Variants in NEGR1 observed in about 807,000 individuals in gnomAD.
NEGR1 encodes the protein neuronal growth regulator 1.
In NEGR1, 10 loss-of-function variants were observed where a neutral mutation model predicts 40.9. That is an observed-to-expected ratio of 0.24 (90% confidence interval 0.15 to 0.42). NEGR1 has a LOEUF of 0.42. Ranked by LOEUF, NEGR1 falls within the 10% of genes least tolerant of loss-of-function variation. The pLI is 1.00. For missense variants in NEGR1, 352 were observed against 438.9 expected, an observed-to-expected ratio of 0.80 and a Z score of 1.77; for synonymous variants, 185 against 166.8, an observed-to-expected ratio of 1.11 and a Z score of -0.84.
chr1:72,173,020 T>G lies in NEGR1; in HGVS notation c.176+109299A>C, dbSNP rs536974403. On this transcript the variant is annotated intron_variant, in intron 1 of 6. Coordinates refer to ENST00000357731, the MANE Select transcript of NEGR1 (RefSeq NM_173808.3). ...CATTTTTATTTTATTTATTTATTTTTTATTGAGACAGGGTCTCATTTTGTC... is the reference window on the plus strand; with the variant it reads ...CATTTTTATTTTATTTATTTATTTTGTATTGAGACAGGGTCTCATTTTGTC... Among the ~76,000 whole-genome samples the G allele has an allele frequency of 2.6e-5, 4 of 152,134 alleles. No individual in the cohort carries two copies. In the East Asian group the frequency reaches 7.8e-4, roughly 30 times the overall value.
At chr1:71,462,194 A>G (rs925808281) in intron 6 of NEGR1, among the ~76,000 whole-genome samples, 1 of 152,204 alleles carries the variant, frequency 6.6e-6, no homozygotes, top group Non-Finnish European at 1.5e-5. Context: ...TGAGGGGGAA[A>G]TAGTGTGAAA....
intron 6 of NEGR1, among the ~76,000 whole-genome samples, chr1:71,517,505 A>G (rs1472864542): frequency 4.7e-5 from 6 of 126,814 alleles, no homozygotes; most frequent in African/African-American, 1.6e-4. Flanking sequence ...ATGCAGAAAA[A>G]GCCTTTGACA....
chr1:72,077,641 TAAATAAATAAATAA>T (rs1647801535), intron 1 of NEGR1, among the ~76,000 whole-genome samples: 1 of 150,256 alleles, frequency 6.7e-6, no homozygotes, highest in Non-Finnish European at 1.5e-5. Context: ...AATAAATAAA[TAAATAAATAAATAA>T]ATAAATAAAT....
chr1:71,948,905 A>C (rs1646044643), intron 1 of NEGR1, among the ~76,000 whole-genome samples: 1 of 152,106 alleles, frequency 6.6e-6, no homozygotes, highest in Non-Finnish European at 1.5e-5. Flanking sequence ...ATCATCTCTC[A>C]AGGTCAGAAT....
chr1:72,022,575 T>C (rs1180284270), intron 1 of NEGR1, among the ~76,000 whole-genome samples: 1 of 150,840 alleles, frequency 6.6e-6, no homozygotes, highest in Non-Finnish European at 1.5e-5. Flanking sequence ...TACATGTATA[T>C]ATAAATTATA....
At chr1:71,564,809 G>A (rs1288298556) in intron 6 of NEGR1, among the ~76,000 whole-genome samples, 1 of 151,506 alleles carries the variant, frequency 6.6e-6, no homozygotes, top group East Asian at 2.0e-4. Context: ...TATAATCATT[G>A]ACTCAGCTAT....
At chr1:71,838,453 A>G (rs1303073124) in intron 2 of NEGR1, among the ~76,000 whole-genome samples, 1 of 152,082 alleles carries the variant, frequency 6.6e-6, no homozygotes, top group Non-Finnish European at 1.5e-5. Context: ...GAAAATCACT[A>G]CTCGTGCCAA....
intron 6 of NEGR1, among the ~76,000 whole-genome samples, chr1:71,541,702 G>A (rs577493355): frequency 3.3e-5 from 5 of 151,864 alleles, no homozygotes; most frequent in East Asian, 2.0e-4. Context: ...TTGTCTCAGC[G>A]CTGTACTTGA....
chr1:71,768,024 A>G (rs72678936), intron 3 of NEGR1, among the ~76,000 whole-genome samples: 9,036 of 152,292 alleles, frequency 0.059, 370 homozygotes, highest in Non-Finnish European at 0.081. Flanking sequence ...TGAATGGAAA[A>G]GCCTGGATAT....
At chr1:72,086,194 C>G (rs946329720) in intron 1 of NEGR1, among the ~76,000 whole-genome samples, 1 of 152,060 alleles carries the variant, frequency 6.6e-6, no homozygotes, top group Non-Finnish European at 1.5e-5. Flanking sequence ...ACTAGTTACA[C>G]GTTAGTGACA....
chr1:71,778,703 T>G (rs1656598409), intron 2 of NEGR1, among the ~76,000 whole-genome samples: 1 of 152,164 alleles, frequency 6.6e-6, no homozygotes, highest in Non-Finnish European at 1.5e-5. Context: ...GATTCAAGGT[T>G]AGACAGAGAT....
At chr1:71,645,547 A>G (rs545000079) in intron 4 of NEGR1, among the ~76,000 whole-genome samples, 40 of 152,000 alleles carry the variant, frequency 2.6e-4, no homozygotes, top group African/African-American at 9.4e-4. Context: ...TCTCTCAATA[A>G]TTATTTTTAT....
chr1:72,085,884 C>T (rs1253180143), intron 1 of NEGR1, among the ~76,000 whole-genome samples: 5 of 148,294 alleles, frequency 3.4e-5, no homozygotes, highest in East Asian at 2.0e-4. Flanking sequence ...GGAGGAGAAT[C>T]GCTTGAACCT....
At chr1:71,744,099 T>A (rs1655303375) in intron 3 of NEGR1, among the ~76,000 whole-genome samples, 1 of 152,040 alleles carries the variant, frequency 6.6e-6, no homozygotes, top group East Asian at 1.9e-4. Flanking sequence ...AGTTGTCAAT[T>A]AAGCTTAAGC....
At chr1:72,184,367 C>T (rs772441513) in intron 1 of NEGR1, among the ~76,000 whole-genome samples, 3 of 151,674 alleles carry the variant, frequency 2.0e-5, no homozygotes, top group Non-Finnish European at 4.4e-5. Flanking sequence ...AAAGGAGGTA[C>T]CAAATAAGGT....
At chr1:71,961,107 C>A (rs1461497453) in intron 1 of NEGR1, among the ~76,000 whole-genome samples, 1 of 152,092 alleles carries the variant, frequency 6.6e-6, no homozygotes, top group Non-Finnish European at 1.5e-5. Flanking sequence ...ATTTCCTGAT[C>A]ATATTTTAGG....
intron 1 of NEGR1, among the ~76,000 whole-genome samples, chr1:72,278,477 G>T (rs749619126): frequency 1.4e-4 from 21 of 152,076 alleles, no homozygotes; most frequent in South Asian, 2.1e-4. Flanking sequence ...AAACATTTTT[G>T]ATATGTTTAC....
At chr1:72,211,052 C>G (rs933017454) in intron 1 of NEGR1, among the ~76,000 whole-genome samples, 1 of 151,680 alleles carries the variant, frequency 6.6e-6, no homozygotes, top group Non-Finnish European at 1.5e-5. Flanking sequence ...AATTATACCT[C>G]CACAAAGCTG....
intron 3 of NEGR1, among the ~76,000 whole-genome samples, chr1:71,700,090 A>G (rs1653635483): frequency 6.6e-6 from 1 of 152,014 alleles, no homozygotes; most frequent in Admixed American, 6.6e-5. Flanking sequence ...ACATTTCGTT[A>G]GAGAAGGTAG....
Sources: gnomAD v4.1 joint callset for allele counts (sites outside exome capture counted in the v4.1 genomes callset) on GRCh38, gnomAD v4.1.1 for gene constraint, MANE v1.5 for transcripts, NCBI Gene and HGNC (gene_info 2026-07-23, HGNC 2026-07-21) for gene names.